PPP1R3A: variants seen among roughly 807,000 people sequenced by gnomAD.
The protein encoded by PPP1R3A is protein phosphatase 1 regulatory subunit 3A.
PPP1R3A carries 29 observed loss-of-function variants against 41.7 expected under a neutral mutation model. The ratio of observed to expected loss-of-function variants is 0.70; its 90% CI spans 0.52 to 0.95. The LOEUF is 0.95. PPP1R3A is among the 40% of genes least tolerant of loss of function. The probability of loss-of-function intolerance (pLI) is 0.00; values close to 1 mark genes in which losing one functional copy is unlikely to be tolerated. For synonymous variants in PPP1R3A, 485 were observed against 453.4 expected (o/e 1.07, Z -0.89); for missense variants, 1,352 against 1,292.4 (o/e 1.05, Z -0.71).
chr7:113,891,108 A>C (rs867928148), intron 1 of PPP1R3A, among the ~76,000 whole-genome samples: 26 of 150,460 alleles, frequency 1.7e-4, no homozygotes, highest in South Asian at 6.3e-4. Flanking sequence ...AAAAAAAAAA[A>C]AAAAAACCCT....
chr7:113,889,516 A>G (rs1796842210), intron 1 of PPP1R3A, among the ~76,000 whole-genome samples: 1 of 152,128 alleles, frequency 6.6e-6, no homozygotes, highest in Admixed American at 6.6e-5. Context: ...GTGTTTGTTG[A>G]ATGGAAAATG....
At chr7:113,908,547 T>C (rs1235177537) in intron 1 of PPP1R3A, among the ~76,000 whole-genome samples, 1 of 152,020 alleles carries the variant, frequency 6.6e-6, no homozygotes, top group Non-Finnish European at 1.5e-5. Flanking sequence ...AAATTTAGTA[T>C]ATATTCAAAT....
At chr7:113,894,321 G>C (rs907613711) in intron 1 of PPP1R3A, among the ~76,000 whole-genome samples, 14 of 151,926 alleles carry the variant, frequency 9.2e-5, no homozygotes. Context: ...ATATTCAATC[G>C]AGAGAAAAAT....
In PPP1R3A at chr7:113,876,898, G is replaced by T. The variant is rs972775858; in HGVS notation, c.*825C>A. The T allele has an allele frequency of 6.6e-6, 1 of 151,950 alleles. No homozygotes were observed. Among genetic ancestry groups the T allele is most frequent in the African/African-American group, 2.4e-5 (1 of 41,402 alleles). 9.4% of individuals were successfully genotyped at this position (151,950 alleles called of 1,614,324 possible). On this transcript the variant is annotated 3_prime_UTR_variant, in exon 4 of 4. Coordinates refer to ENST00000284601, the MANE Select transcript of PPP1R3A (RefSeq NM_002711.4). ...TGCTTTATAGGTACAAATTCATTCT[G>T]AAGCAATGCTTGTGGAAATTTTAAT...
intron 1 of PPP1R3A, among the ~76,000 whole-genome samples, chr7:113,884,468 T>C (rs879454978): frequency 6.6e-6 from 1 of 151,990 alleles, no homozygotes; most frequent in East Asian, 1.9e-4. Context: ...TGACAAATGG[T>C]ATATCCAGAA....
At chr7:113,890,712 T>C (rs1796866036) in intron 1 of PPP1R3A, among the ~76,000 whole-genome samples, 1 of 152,056 alleles carries the variant, frequency 6.6e-6, no homozygotes, top group South Asian at 2.1e-4. Flanking sequence ...GAAACATCAA[T>C]GGGGTAGAAA....
intron 1 of PPP1R3A, among the ~76,000 whole-genome samples, chr7:113,916,958 A>C (rs182430678): frequency 6.6e-6 from 1 of 152,206 alleles, no homozygotes; most frequent in East Asian, 1.9e-4. Flanking sequence ...AGATGACTTT[A>C]AAGGAAAATG....
At chr7:113,913,754 C>T (rs10265940) in intron 1 of PPP1R3A, among the ~76,000 whole-genome samples, 1 of 152,208 alleles carries the variant, frequency 6.6e-6, no homozygotes, top group East Asian at 1.9e-4. Flanking sequence ...TACACAGTGT[C>T]AGCTCTAGGT....
At chr7:113,912,537 C>T (rs1797268255) in intron 1 of PPP1R3A, among the ~76,000 whole-genome samples, 1 of 152,030 alleles carries the variant, frequency 6.6e-6, no homozygotes, top group Non-Finnish European at 1.5e-5. Flanking sequence ...CAATCGGATC[C>T]ACTTCAGATA....
At chr7:113,900,502 C>T (rs566833438) in intron 1 of PPP1R3A, among the ~76,000 whole-genome samples, 157 of 151,234 alleles carry the variant, frequency 1.0e-3, no homozygotes, top group African/African-American at 3.6e-3. Flanking sequence ...TGCAAGATTA[C>T]ACTTGCAGTC....
chr7:113,877,454 A>G lies in PPP1R3A; in HGVS notation c.*269T>C. 1 of 319,156 alleles carries G rather than the reference A, an allele frequency of 3.1e-6. No individual in the cohort carries two copies. The highest frequency in any genetic ancestry group is 5.0e-5 in the East Asian group (1 of 19,810). 19.8% of individuals were successfully genotyped at this position (319,156 alleles called of 1,614,324 possible). A position where few individuals can be genotyped will look rare whatever the true frequency, so the allele number is the denominator to read the frequency against. ...AAGAGATGTGAAGCATTGCAACTTC[A>G]TAGCCTGCTAAGGAGCAACAGCTGT... On this transcript the variant is annotated 3_prime_UTR_variant, in exon 4 of 4. Transcript: ENST00000284601.
chr7:113,905,451 AG>A (rs796354244), intron 1 of PPP1R3A, among the ~76,000 whole-genome samples: 100 of 151,940 alleles, frequency 6.6e-4, no homozygotes, highest in African/African-American at 2.2e-3. Context: ...CAATGCAAAT[AG>A]ACCCCTCTGT....
At chr7:113,885,056 T>A (rs542258676) in intron 1 of PPP1R3A, among the ~76,000 whole-genome samples, 29 of 152,280 alleles carry the variant, frequency 1.9e-4, no homozygotes, top group Admixed American at 1.0e-3. Flanking sequence ...AGCTGCAGGC[T>A]TTTTTAAATT....
rs1021028695 is a variant in PPP1R3A, at chr7:113,915,736, T to C, written c.782+2479A>G. 4.6e-5 allele frequency among the ~76,000 whole-genome samples: 7 copies of C among 151,724 alleles called. No homozygotes were observed. The East Asian group carries it at 1.4e-3, about 29-fold the overall frequency. ...TGACCCATTTAGATTCTGTAACTAT[T>C]TGGAGAGAAGAGATTTTAGTAGCTA... On this transcript the variant is annotated intron_variant, in intron 1 of 3. Transcript: ENST00000284601.
At chr7:113,894,385 T>C (rs1459542639) in intron 1 of PPP1R3A, among the ~76,000 whole-genome samples, 2 of 151,980 alleles carry the variant, frequency 1.3e-5, no homozygotes, top group East Asian at 1.9e-4. Flanking sequence ...TTCAGAGAGA[T>C]ACCATTAACA....
chr7:113,916,545 A>T (rs1797346052), intron 1 of PPP1R3A, among the ~76,000 whole-genome samples: 2 of 152,040 alleles, frequency 1.3e-5, no homozygotes, highest in Non-Finnish European at 2.9e-5. Context: ...TATTGCTTGA[A>T]TTTTAAAACT....
At chr7:113,903,550 C>A (rs1797099244) in intron 1 of PPP1R3A, among the ~76,000 whole-genome samples, 4 of 151,672 alleles carry the variant, frequency 2.6e-5, no homozygotes, top group Admixed American at 2.6e-4. Flanking sequence ...CAATGAAGGA[C>A]CATTCGTATA....
At chr7:113,914,648 T>G (rs530733059) in intron 1 of PPP1R3A, among the ~76,000 whole-genome samples, 1 of 152,234 alleles carries the variant, frequency 6.6e-6, no homozygotes, top group South Asian at 2.1e-4. Flanking sequence ...AAAGCTGAAG[T>G]TACCATTGTC....
At chr7:113,894,565 A>G (rs1460296652) in intron 1 of PPP1R3A, among the ~76,000 whole-genome samples, 1 of 151,970 alleles carries the variant, frequency 6.6e-6, no homozygotes. Context: ...TCACAACGTA[A>G]GTGCTGACAG....
Sources: allele counts gnomAD v4.1 joint callset (sites outside exome capture counted in the v4.1 genomes callset), GRCh38; gene constraint gnomAD v4.1.1; transcripts MANE v1.5; gene names NCBI Gene and HGNC (gene_info 2026-07-23, HGNC 2026-07-21).